TFDP2: variants seen among roughly 807,000 people sequenced by gnomAD.
TFDP2 encodes the protein transcription factor Dp-2.
In TFDP2, 17 loss-of-function variants were observed where a neutral mutation model predicts 59.3. The observed-to-expected ratio is 0.29, with a 90% CI of 0.20 to 0.43. TFDP2 has a LOEUF of 0.43. Ranked by LOEUF, TFDP2 falls within the 20% of genes least tolerant of loss-of-function variation. The pLI is 1.00. For synonymous variants in TFDP2, 180 were observed against 194.7 expected (o/e 0.92, Z 0.63); for missense variants, 391 against 528.8 (o/e 0.74, Z 2.56).
chr3:141,987,691 G>A (rs1942263523), intron 6 of TFDP2, among the ~76,000 whole-genome samples: 1 of 150,530 alleles, frequency 6.6e-6, no homozygotes, highest in Non-Finnish European at 1.5e-5. Flanking sequence ...ACTTTGGGAG[G>A]CCGAGGTGGG....
intron 1 of TFDP2, among the ~76,000 whole-genome samples, chr3:142,147,226 T>C (rs2063212431): frequency 6.6e-6 from 1 of 152,200 alleles, no homozygotes; most frequent in Admixed American, 6.5e-5. Context: ...GAGTCATGTA[T>C]CCCAGATTAA....
At chr3:142,056,844 A>G (rs2059764885) in intron 3 of TFDP2, among the ~76,000 whole-genome samples, 1 of 152,198 alleles carries the variant, frequency 6.6e-6, no homozygotes, top group Non-Finnish European at 1.5e-5. Flanking sequence ...TCCAGCCTGC[A>G]GATGACTACA....
intron 3 of TFDP2, among the ~76,000 whole-genome samples, chr3:142,050,029 A>C (rs1291630087): frequency 1.3e-5 from 2 of 151,294 alleles, no homozygotes; most frequent in East Asian, 2.0e-4. Flanking sequence ...AGCACTTTGG[A>C]AGGCTGAGGC....
intron 3 of TFDP2, among the ~76,000 whole-genome samples, chr3:142,071,487 C>A (rs1251204540): frequency 2.0e-5 from 3 of 152,120 alleles, no homozygotes; most frequent in Admixed American, 6.5e-5. Context: ...GTAGTTTGGA[C>A]TTTATCTTGA....
At position 142,080,050 on chromosome 3, in the gene TFDP2, G is replaced by A. The variant is rs558684460; in HGVS notation, c.82+13011C>T. ...ACGATCTCGGCTCACTGCAACCTCCGCCTCCCAGGTTCAAGTGATTCTCAT... is the reference window on the plus strand; with the variant it reads ...ACGATCTCGGCTCACTGCAACCTCCACCTCCCAGGTTCAAGTGATTCTCAT... On this transcript the variant is annotated intron_variant, in intron 3 of 12. Coordinates refer to ENST00000489671, the MANE Select transcript of TFDP2 (RefSeq NM_001178139.2). Among the ~76,000 whole-genome samples the A allele has an allele frequency of 2.8e-4, 42 of 152,216 alleles. No homozygotes were observed. The South Asian group carries it at 3.7e-3, about 14-fold the overall frequency.
intron 3 of TFDP2, among the ~76,000 whole-genome samples, chr3:142,012,100 C>A (rs1944765777): frequency 6.6e-6 from 1 of 150,456 alleles, no homozygotes; most frequent in Admixed American, 6.7e-5. Context: ...GCAAGCTCTG[C>A]CTCCCGGGTT....
intron 11 of TFDP2, among the ~76,000 whole-genome samples, chr3:141,955,580 G>A (rs187535038): frequency 7.2e-5 from 11 of 152,250 alleles, no homozygotes; most frequent in African/African-American, 2.6e-4. Context: ...GGTGCCAACC[G>A]AAGAACTAAA....
At chr3:141,961,053 C>T (rs915710276) in intron 10 of TFDP2, among the ~76,000 whole-genome samples, 1 of 152,064 alleles carries the variant, frequency 6.6e-6, no homozygotes, top group Non-Finnish European at 1.5e-5. Context: ...TCCACAATAC[C>T]CTAGGCCAAT....
At chr3:142,037,888 A>T (rs1946761956) in intron 3 of TFDP2, among the ~76,000 whole-genome samples, 2 of 152,232 alleles carry the variant, frequency 1.3e-5, no homozygotes, top group Non-Finnish European at 2.9e-5. Context: ...GTGGATATTT[A>T]CAGTCTTCAT....
chr3:141,973,124 T>TATATATATATATATATATATATATATA (rs1553761667), intron 8 of TFDP2, among the ~76,000 whole-genome samples: 1 of 55,374 alleles, frequency 1.8e-5, no homozygotes, highest in African/African-American at 7.1e-5. Flanking sequence ...TATATATATA[T>TATATATATATATATATATATATATATA]TTTTTTTTTT....
intron 3 of TFDP2, among the ~76,000 whole-genome samples, chr3:142,022,096 G>A (rs1167920187): frequency 6.6e-6 from 1 of 152,070 alleles, no homozygotes; most frequent in Admixed American, 6.6e-5. Context: ...AATAATTGAG[G>A]AAGTTTACTG....
intron 3 of TFDP2, among the ~76,000 whole-genome samples, chr3:142,060,190 AG>A (rs2059872083): frequency 6.6e-6 from 1 of 152,150 alleles, no homozygotes; most frequent in Non-Finnish European, 1.5e-5. Context: ...CTTGAGAGAA[AG>A]TTCCACTTTG....
At chr3:141,995,494 G>A (rs1943182887) in intron 4 of TFDP2, among the ~76,000 whole-genome samples, 1 of 152,040 alleles carries the variant, frequency 6.6e-6, no homozygotes, top group African/African-American at 2.4e-5. Flanking sequence ...CTAGAACCAG[G>A]GCAACAGCAA....
intron 3 of TFDP2, among the ~76,000 whole-genome samples, chr3:142,060,729 G>A (rs1156715667): frequency 6.6e-6 from 1 of 152,192 alleles, no homozygotes; most frequent in Admixed American, 6.5e-5. Flanking sequence ...TGGAGGGTTA[G>A]GAGTAAGGTA....
At chr3:141,959,282 T>A (rs1382657811) in intron 11 of TFDP2, among the ~76,000 whole-genome samples, 1 of 152,078 alleles carries the variant, frequency 6.6e-6, no homozygotes, top group East Asian at 1.9e-4. Flanking sequence ...CTTTTGTAAA[T>A]TGCCCAAAGT....
chr3:142,091,530 C>T (rs1054625718), intron 3 of TFDP2, among the ~76,000 whole-genome samples: 2 of 151,636 alleles, frequency 1.3e-5, no homozygotes, highest in Admixed American at 6.6e-5. Context: ...CATGCCACTG[C>T]ACTCCAGCCT....
rs1213478622 is a variant in TFDP2 at position 142,000,244 on chromosome 3, T to C, written c.187-5103A>G. ...GTAATTTACAAACCACAGAAATTTA[T>C]TGCTCACTGTTCTGGAGGTTGCTGA... On this transcript the variant is annotated intron_variant, in intron 4 of 12. Coordinates refer to ENST00000489671, the MANE Select transcript of TFDP2 (RefSeq NM_001178139.2). 5.7e-6 allele frequency: 4 copies of C among 701,058 alleles called. No homozygotes were observed. The East Asian group carries it at 8.0e-5, about 14-fold the overall frequency. 43.4% of individuals were successfully genotyped at this position (701,058 alleles called of 1,614,324 possible).
intron 1 of TFDP2, among the ~76,000 whole-genome samples, chr3:142,122,201 C>T (rs2062073152): frequency 6.6e-6 from 1 of 152,128 alleles, no homozygotes; most frequent in South Asian, 2.1e-4. Flanking sequence ...ATAACCAGGT[C>T]TACAGATACC....
At chr3:142,098,541 G>A (rs940331761) in intron 2 of TFDP2, among the ~76,000 whole-genome samples, 6 of 151,976 alleles carry the variant, frequency 3.9e-5, no homozygotes, top group South Asian at 2.1e-4. Flanking sequence ...GCCACTTACC[G>A]TATCCCACTT....
Sources: allele counts gnomAD v4.1 joint callset (sites outside exome capture counted in the v4.1 genomes callset), GRCh38; gene constraint gnomAD v4.1.1; transcripts MANE v1.5; gene names NCBI Gene and HGNC (gene_info 2026-07-23, HGNC 2026-07-21).